The following LRRTM4 variants were observed in gnomAD, a reference collection of about 807,000 sequenced individuals.
The protein encoded by LRRTM4 is leucine-rich repeat transmembrane neuronal protein 4.
In LRRTM4, 25 loss-of-function variants were observed where a neutral mutation model predicts 47.6. That is an observed-to-expected ratio of 0.53 (90% CI 0.38 to 0.73). The LOEUF (loss-of-function observed/expected upper bound fraction) is 0.73. Ranked by LOEUF, LRRTM4 falls within the 30% of genes least tolerant of loss-of-function variation. The probability of loss-of-function intolerance (pLI) is 0.00; values close to 1 mark genes in which losing one functional copy is unlikely to be tolerated. For missense variants in LRRTM4, 638 were observed against 713.4 expected (o/e 0.89, Z 1.20); for synonymous variants, 311 against 269.5 (o/e 1.15, Z -1.51).
At chr2:76,863,404 T>G (rs531537861) in intron 3 of LRRTM4, among the ~76,000 whole-genome samples, 1 of 152,338 alleles carries the variant, frequency 6.6e-6, no homozygotes, top group East Asian at 1.9e-4. Context: ...TTAGTGCTTA[T>G]AATTCCAAAT....
intron 3 of LRRTM4, among the ~76,000 whole-genome samples, chr2:76,829,127 C>T (rs916517691): frequency 1.2e-4 from 18 of 151,892 alleles, no homozygotes; most frequent in Non-Finnish European, 2.2e-4. Context: ...ATTTTCTGCT[C>T]AAATGTTCCC....
At chr2:76,806,450 G>A (rs896132547) in intron 3 of LRRTM4, among the ~76,000 whole-genome samples, 11 of 151,990 alleles carry the variant, frequency 7.2e-5, no homozygotes, top group East Asian at 3.9e-4. Context: ...GCGTGGTAGC[G>A]CACGCCTGTA....
At chr2:77,417,543 C>A (rs1674684146) in intron 3 of LRRTM4, among the ~76,000 whole-genome samples, 1 of 152,196 alleles carries the variant, frequency 6.6e-6, no homozygotes. Context: ...ACATATACAC[C>A]ATGGAACACT....
At position 77,335,009 on chromosome 2, in the gene LRRTM4, C is replaced by T. The variant is rs144232047; in HGVS notation, c.1551+183309G>A. ...CTCTCACTCCCACTCTCTACATTCT[C>T]ATAGTTCCTTCTTTAGCTTTTTCCT... On this transcript the variant is annotated intron_variant, in intron 3 of 3. Coordinates refer to ENST00000409884, the MANE Select transcript of LRRTM4 (RefSeq NM_001134745.3). Among the ~76,000 whole-genome samples the T allele has an allele frequency of 8.9e-4, 136 of 152,298 alleles. 1 individual carries two copies. The East Asian group carries it at 0.023, about 26-fold the overall frequency.
intron 3 of LRRTM4, among the ~76,000 whole-genome samples, chr2:77,201,191 T>C (rs1007611522): frequency 6.6e-6 from 1 of 152,160 alleles, no homozygotes; most frequent in Non-Finnish European, 1.5e-5. Flanking sequence ...AACCTTTAAA[T>C]AGAAGTCTTA....
At chr2:77,121,200 A>G (rs184840928) in intron 3 of LRRTM4, among the ~76,000 whole-genome samples, 19 of 151,952 alleles carry the variant, frequency 1.3e-4, no homozygotes, top group Non-Finnish European at 2.5e-4. Flanking sequence ...CAACAGCTCT[A>G]TTATCCTAAA....
At position 76,751,511 on chromosome 2, in the gene LRRTM4, A is replaced by G. The variant is rs562139853; in HGVS notation, c.1552-2595T>C. Among the ~76,000 whole-genome samples, 122 of 152,276 alleles carry G rather than the reference A, an allele frequency of 8.0e-4. 1 individual carries two copies. Among genetic ancestry groups the G allele is most frequent in the African/African-American group, 2.9e-3 (119 of 41,570 alleles). On this transcript the variant is annotated intron_variant, in intron 3 of 3. Coordinates refer to ENST00000409884, the MANE Select transcript of LRRTM4 (RefSeq NM_001134745.3). ...ATTGGACCTTAATTTCTGTGCTGACAGAGAGAGCTAGGAACAGACTGTAAA... is the reference window on the plus strand; with the variant it reads ...ATTGGACCTTAATTTCTGTGCTGACGGAGAGAGCTAGGAACAGACTGTAAA...
intron 3 of LRRTM4, among the ~76,000 whole-genome samples, chr2:77,342,763 G>A (rs908447160): frequency 1.3e-5 from 2 of 151,834 alleles, no homozygotes; most frequent in African/African-American, 4.8e-5. Flanking sequence ...GAAATGTAAT[G>A]TTTCTGCTTC....
At chr2:77,270,289 C>T (rs564362016) in intron 3 of LRRTM4, among the ~76,000 whole-genome samples, 1 of 152,214 alleles carries the variant, frequency 6.6e-6, no homozygotes, top group South Asian at 2.1e-4. Context: ...AGGTCTTGCT[C>T]TCGGTTTGCC....
intron 3 of LRRTM4, among the ~76,000 whole-genome samples, chr2:76,822,240 T>TA (rs543634781): frequency 6.6e-6 from 1 of 151,200 alleles, no homozygotes; most frequent in East Asian, 2.0e-4. Flanking sequence ...AAACAAGAGA[T>TA]ACTAAGGCCT....
At chr2:76,830,507 AGTGTGTGCGTGT>A (rs1671315924) in intron 3 of LRRTM4, among the ~76,000 whole-genome samples, 1 of 119,026 alleles carries the variant, frequency 8.4e-6, no homozygotes, top group Non-Finnish European at 1.7e-5. Context: ...TATGTGTGGC[AGTGTGTGCGTGT>A]GTGTGTGTGT....
intron 3 of LRRTM4, among the ~76,000 whole-genome samples, chr2:77,446,214 C>A (rs1325159028): frequency 6.6e-6 from 1 of 151,796 alleles, no homozygotes; most frequent in Non-Finnish European, 1.5e-5. Flanking sequence ...CATGTTTCTC[C>A]ATCTTGGCAC....
At chr2:76,797,282 C>A (rs1444135024) in intron 3 of LRRTM4, among the ~76,000 whole-genome samples, 4 of 152,048 alleles carry the variant, frequency 2.6e-5, no homozygotes, top group Admixed American at 6.6e-5. Context: ...AGAAACCCTA[C>A]AAGCCAGAAG....
At chr2:77,185,200 C>A (rs957045784) in intron 3 of LRRTM4, among the ~76,000 whole-genome samples, 2 of 152,138 alleles carry the variant, frequency 1.3e-5, no homozygotes, top group African/African-American at 4.8e-5. Flanking sequence ...TTAGAAGACA[C>A]CCTGTACTCA....
At chr2:76,852,841 G>T (rs2103978331) in intron 3 of LRRTM4, among the ~76,000 whole-genome samples, 1 of 152,244 alleles carries the variant, frequency 6.6e-6, no homozygotes, top group East Asian at 1.9e-4. Context: ...GTGTGGAAAG[G>T]AGCTTGTGAT....
At chr2:76,958,781 G>A (rs1271068502) in intron 3 of LRRTM4, among the ~76,000 whole-genome samples, 2 of 151,738 alleles carry the variant, frequency 1.3e-5, no homozygotes, top group Admixed American at 1.3e-4. Context: ...ACCATAAAGT[G>A]TGTACAACAA....
At chr2:76,865,840 C>T (rs956315011) in intron 3 of LRRTM4, among the ~76,000 whole-genome samples, 2 of 152,162 alleles carry the variant, frequency 1.3e-5, no homozygotes, top group Non-Finnish European at 2.9e-5. Flanking sequence ...ATGACTGTCA[C>T]TTTGCATGTT....
At chr2:77,392,031 AT>A (rs747929164) in intron 3 of LRRTM4, among the ~76,000 whole-genome samples, 11 of 152,172 alleles carry the variant, frequency 7.2e-5, no homozygotes, top group South Asian at 6.2e-4. Flanking sequence ...GGGAAATTGC[AT>A]TCTTTAGAGA....
intron 3 of LRRTM4, among the ~76,000 whole-genome samples, chr2:77,457,044 ATATATATG>A (rs1440659895): frequency 0.25 from 6,025 of 24,412 alleles, 430 homozygotes; most frequent in Middle Eastern, 0.36. Flanking sequence ...ATATATATAT[ATATATATG>A]TATAACCTGG....
Sources: allele counts gnomAD v4.1 joint callset (sites outside exome capture counted in the v4.1 genomes callset), GRCh38; gene constraint gnomAD v4.1.1; transcripts MANE v1.5; gene names NCBI Gene and HGNC (gene_info 2026-07-23, HGNC 2026-07-21).